MED12L: variants seen among roughly 807,000 people sequenced by gnomAD.
The protein encoded by MED12L is mediator of RNA polymerase II transcription subunit 12-like protein.
In MED12L, 60 loss-of-function variants were observed where a neutral mutation model predicts 281.3. That is an observed-to-expected ratio of 0.21 (90% CI 0.17 to 0.26). MED12L has a LOEUF of 0.26. Among genes scored for constraint, MED12L ranks in the 10% least tolerant of loss-of-function variants. The pLI is 1.00. For synonymous variants in MED12L, 974 were observed against 987.2 expected, an observed-to-expected ratio of 0.99 and a Z score of 0.25; for missense variants, 2,146 against 2,680.9, an observed-to-expected ratio of 0.80 and a Z score of 4.41.
intron 39 of MED12L, among the ~76,000 whole-genome samples, chr3:151,401,284 T>TG (rs1421162671): frequency 6.6e-6 from 1 of 151,704 alleles, no homozygotes; most frequent in African/African-American, 2.4e-5. Flanking sequence ...TTTGTTTGTT[T>TG]TTTTTTTTAA....
intron 2 of MED12L, 116 bp downstream of exon 2, chr3:151,087,141 G>T: frequency 3.6e-6 from 3 of 832,460 alleles, no homozygotes; most frequent in Non-Finnish European, 5.4e-6. Flanking sequence ...CGGGGAGGGG[G>T]ATTAGAGGCG....
chr3:151,240,466 G>C (rs574661986), intron 16 of MED12L, among the ~76,000 whole-genome samples: 10 of 152,292 alleles, frequency 6.6e-5, no homozygotes, highest in Admixed American at 4.6e-4. Flanking sequence ...GTCTTGTTTA[G>C]TTTCTCAGCA....
At position 151,311,597 on chromosome 3, in the gene MED12L, G is replaced by A. The variant is rs558174389; in HGVS notation, c.2251-38462G>A. Among the ~76,000 whole-genome samples the A allele has an allele frequency of 8.0e-4, 122 of 152,154 alleles. 1 individual carries two copies. Among genetic ancestry groups the A allele is most frequent in the Admixed American group, 5.4e-3 (83 of 15,274 alleles). On this transcript the variant is annotated intron_variant, in intron 16 of 44. Transcript: ENST00000687756. ...TCCTCTAAAAGTTTTCATTTTTTAG[G>A]TTTTTAAAATGCTTAGGTGTGACAA...
chr3:151,188,993 C>T (rs532653838), intron 13 of MED12L, among the ~76,000 whole-genome samples: 1 of 152,252 alleles, frequency 6.6e-6, no homozygotes, highest in South Asian at 2.1e-4. Flanking sequence ...CTGAAATAAA[C>T]AGCCACCCAG....
chr3:151,380,146 A>G lies in MED12L; in HGVS notation c.4512A>G (p.Ser1504=), dbSNP rs143058736. The G allele has an allele frequency of 1.7e-4, 266 of 1,606,228 alleles. No individual in the cohort carries two copies. Among genetic ancestry groups the G allele is most frequent in the Non-Finnish European group, 2.1e-4 (249 of 1,177,712 alleles). The part of the protein sequence containing the change: ...MSLLSQQPFL[S]LVLTCLKGQD... ...TTTTGAGTCAACAACCCTTCCTCTC[A>G]CTGGTACTTACCTGCCTTAAGGGAC... The change falls in exon 32 of 45, where the codon TCA becomes TCG. Residue 1504 remains serine, a synonymous_variant. Coordinates refer to ENST00000687756, the MANE Select transcript of MED12L (RefSeq NM_001393769.1).
rs150013136 is a variant in MED12L, at chr3:151,357,284, A to T, written c.2733A>T (p.Thr911=). 87 of 1,613,748 alleles carry T rather than the reference A, an allele frequency of 5.4e-5. No individual in the cohort carries two copies. Among genetic ancestry groups the T allele is most frequent in the Non-Finnish European group, 7.2e-5 (85 of 1,179,864 alleles). ...LKSSSLAGSY[T]TGLCVCIVAV... is the part of the protein sequence containing the mutation. ...CCTCCAGCCTGGCAGGAAGTTATAC[A>T]ACAGGACTGTGTGTCTGCATCGTGG... is the stretch of plus-strand genomic sequence containing the variant. Residue 911 remains threonine, a synonymous_variant, in exon 20 of 45, where the codon ACA becomes ACT. Coordinates refer to ENST00000687756, the MANE Select transcript of MED12L (RefSeq NM_001393769.1).
chr3:151,191,881 G>C (rs969982529), intron 14 of MED12L, among the ~76,000 whole-genome samples: 1 of 151,932 alleles, frequency 6.6e-6, no homozygotes, highest in Non-Finnish European at 1.5e-5. Context: ...ACTCCAGCCT[G>C]GGCAACAAGA....
At chr3:151,263,419 G>C (rs1364126006) in intron 16 of MED12L, among the ~76,000 whole-genome samples, 1 of 152,212 alleles carries the variant, frequency 6.6e-6, no homozygotes, top group Non-Finnish European at 1.5e-5. Flanking sequence ...TGCTATCATA[G>C]TGAAGGCTGA....
At chr3:151,365,796 G>A in intron 22 of MED12L, 54 bp from the exon 23 acceptor site, 1 of 1,453,928 alleles carries the variant, frequency 6.9e-7, no homozygotes, top group Admixed American at 2.1e-5. Flanking sequence ...TATCACAGGT[G>A]AGTATTTCTC....
chr3:151,217,812 G>A (rs1472887505), intron 16 of MED12L, among the ~76,000 whole-genome samples: 1 of 152,114 alleles, frequency 6.6e-6, no homozygotes, highest in Non-Finnish European at 1.5e-5. Flanking sequence ...GGGGTTAATG[G>A]TGAGAACATA....
intron 21 of MED12L, among the ~76,000 whole-genome samples, chr3:151,363,904 G>A (rs1754946937): frequency 6.6e-6 from 1 of 152,108 alleles, no homozygotes; most frequent in African/African-American, 2.4e-5. Flanking sequence ...TAAAGCTATT[G>A]ACAGTGGCAA....
At chr3:151,098,366 A>G (rs1479286718) in intron 2 of MED12L, among the ~76,000 whole-genome samples, 1 of 152,230 alleles carries the variant, frequency 6.6e-6, no homozygotes, top group Non-Finnish European at 1.5e-5. Flanking sequence ...ATAACAAATG[A>G]CTACAAACTG....
chr3:151,109,365 A>G (rs1441630618), intron 2 of MED12L, among the ~76,000 whole-genome samples: 1 of 152,214 alleles, frequency 6.6e-6, no homozygotes, highest in African/African-American at 2.4e-5. Flanking sequence ...TTTTGTTATC[A>G]GTGTAGAATA....
chr3:151,192,649 T>A lies in MED12L; in HGVS notation c.2068T>A (p.Phe690Ile). The A allele has an allele frequency of 6.6e-7, 1 of 1,525,024 alleles. No homozygotes were observed. The highest frequency in any genetic ancestry group is 1.2e-5 in the South Asian group (1 of 83,806). The allele number at this position is 1,525,024 out of a possible 1,614,324, so 94.5% of individuals were successfully genotyped here. A position where few individuals can be genotyped will look rare whatever the true frequency, so the allele number is the denominator to read the frequency against. The change falls in exon 15 of 45, where the codon TTT becomes ATT. Residue 690 changes from phenylalanine (F) to isoleucine (I), a missense_variant. Physicochemically the swap from Phe to Ile is conservative, Grantham distance 21 (BLOSUM62 0). Coordinates refer to ENST00000687756, the MANE Select transcript of MED12L (RefSeq NM_001393769.1). ...SDFKTDFGSE[F>I]PIFSPMPGES... ...CTTTAAAACTGACTTTGGTTCGGAA[T>A]TTCCAGTAGGTTCAATCTTTGATTC...
In MED12L at chr3:151,085,798, G is replaced by A. The variant is rs1487984823; in HGVS notation, c.-268G>A. On this transcript the variant is annotated 5_prime_UTR_variant, in exon 1 of 45. Transcript: ENST00000687756. ...CAGTGGCAAACTTCGCGGCGTTCCC[G>A]GAGCTCGTCCGGGCGAGGCAGATAC... The A allele has an allele frequency of 6.6e-6, 1 of 152,010 alleles. No individual in the cohort carries two copies. The highest frequency in any genetic ancestry group is 2.4e-5 in the African/African-American group (1 of 41,410). 9.4% of individuals were successfully genotyped at this position (152,010 alleles called of 1,614,324 possible). A position where few individuals can be genotyped will look rare whatever the true frequency, so the allele number is the denominator to read the frequency against.
chr3:151,298,469 G>C (rs563679249), intron 16 of MED12L, among the ~76,000 whole-genome samples: 4 of 152,284 alleles, frequency 2.6e-5, no homozygotes, highest in African/African-American at 9.6e-5. Flanking sequence ...CCTTCTTCTT[G>C]TTTACTAGGG....
intron 16 of MED12L, among the ~76,000 whole-genome samples, chr3:151,293,784 GA>G (rs1388958802): frequency 6.6e-6 from 1 of 152,128 alleles, no homozygotes; most frequent in Non-Finnish European, 1.5e-5. Flanking sequence ...TTTATAGATG[GA>G]AAGTAGTAGT....
intron 16 of MED12L, among the ~76,000 whole-genome samples, chr3:151,229,812 C>A (rs1731273135): frequency 1.3e-5 from 2 of 152,156 alleles, no homozygotes; most frequent in South Asian, 4.1e-4. Context: ...CTAGAGCATG[C>A]AACAATGGAG....
chr3:151,196,152 T>C (rs971547828), intron 16 of MED12L, among the ~76,000 whole-genome samples: 2 of 152,250 alleles, frequency 1.3e-5, no homozygotes, highest in Non-Finnish European at 2.9e-5. Context: ...AGAGCTTAAA[T>C]GATTTTCAGT....
Sources: allele counts gnomAD v4.1 joint callset (sites outside exome capture counted in the v4.1 genomes callset), GRCh38; gene constraint gnomAD v4.1.1; transcripts MANE v1.5; gene names NCBI Gene and HGNC (gene_info 2026-07-23, HGNC 2026-07-21).